The following MLN variants were observed in gnomAD, a reference collection of about 807,000 sequenced individuals.
The protein encoded by MLN is motilin.
In MLN, 14 loss-of-function variants were observed where a neutral mutation model predicts 13.3. That is an observed-to-expected ratio of 1.05 (90% confidence interval 0.69 to 1.64). The LOEUF is 1.64. MLN is among the 40% of genes most tolerant of loss of function. The probability of loss-of-function intolerance (pLI) is 0.00; values close to 1 mark genes in which losing one functional copy is unlikely to be tolerated. For synonymous variants in MLN, 59 were observed against 54.7 expected (o/e 1.08, Z -0.34); for missense variants, 122 against 142.9 (o/e 0.85, Z 0.75).
chr6:33,798,265 A>G (rs1767968399), intron 3 of MLN, among the ~76,000 whole-genome samples: 1 of 152,022 alleles, frequency 6.6e-6, no homozygotes, highest in Middle Eastern at 3.4e-3. Context: ...CTTCTTTCCT[A>G]TGGAGTGTGA....
intron 3 of MLN, among the ~76,000 whole-genome samples, chr6:33,796,612 C>T (rs1449844741): frequency 1.3e-5 from 2 of 152,218 alleles, no homozygotes; most frequent in African/African-American, 4.8e-5. Context: ...TCCCACCGGG[C>T]TCCCTGGGTT....
chr6:33,796,631 G>A (rs916828661), intron 3 of MLN, among the ~76,000 whole-genome samples: 1 of 152,210 alleles, frequency 6.6e-6, no homozygotes, highest in Non-Finnish European at 1.5e-5. Context: ...TTCCAGGAAT[G>A]GGCCTCCTAG....
Position 33,803,465 on chromosome 6 carries a change from G to C in MLN, c.-8+488C>G, listed in dbSNP as rs190982146. Among the ~76,000 whole-genome samples, 1 of 151,964 alleles carries C rather than the reference G, an allele frequency of 6.6e-6. No individual in the cohort carries two copies. Among genetic ancestry groups the C allele is most frequent in the East Asian group, 1.9e-4 (1 of 5,172 alleles). ...TGGGACTACAGGCATGTGCCACCTCGCATGGCTAATTTTTGTATTTTTAGT... is the reference window on the plus strand; with the variant it reads ...TGGGACTACAGGCATGTGCCACCTCCCATGGCTAATTTTTGTATTTTTAGT... On this transcript the variant is annotated intron_variant, in intron 1 of 4. Coordinates refer to ENST00000430124, the MANE Select transcript of MLN (RefSeq NM_002418.3). This position sits in a 1 kb window ranked among gnomAD's most constrained non-coding sequence, Gnocchi z 4.5.
intron 3 of MLN, among the ~76,000 whole-genome samples, chr6:33,795,994 C>G (rs1767910014): frequency 7.3e-6 from 1 of 137,732 alleles, no homozygotes; most frequent in Non-Finnish European, 1.5e-5. Context: ...GAGTCTTGCT[C>G]TGTCGCCCAG....
Position 33,799,331 on chromosome 6 carries a change from G to C in MLN, c.118-110C>G, listed in dbSNP as rs751629048. 2 of 675,558 alleles carry C rather than the reference G, an allele frequency of 3.0e-6. No homozygotes were observed. Among genetic ancestry groups the C allele is most frequent in the Non-Finnish European group, 5.1e-6 (2 of 390,726 alleles). The allele number at this position is 675,558 out of a possible 1,614,324, so 41.8% of individuals were successfully genotyped here. A position where few individuals can be genotyped will look rare whatever the true frequency, so the allele number is the denominator to read the frequency against. ...TGCTGTCTGCCCTGAGCTCCCTACA[G>C]ACTGAAAGAACCCTTTCCTCCAGGA... On this transcript the variant is annotated intron_variant, in intron 2 of 4. Coordinates refer to ENST00000430124, the MANE Select transcript of MLN (RefSeq NM_002418.3). The surrounding 1 kb of genome is among the most constrained non-coding windows in gnomAD (Gnocchi z 4.6).
chr6:33,794,983 G>T, intron 4 of MLN, 148 bp from the exon 5 acceptor site: 1 of 900,348 alleles, frequency 1.1e-6, no homozygotes, highest in Non-Finnish European at 1.7e-6. Context: ...GAGCCTGCAA[G>T]CTGTCTGTAG....
intron 3 of MLN, among the ~76,000 whole-genome samples, chr6:33,798,591 C>T (rs1044092586): frequency 6.6e-6 from 1 of 152,234 alleles, no homozygotes; most frequent in African/African-American, 2.4e-5. Flanking sequence ...AAGAGGGCTC[C>T]GGTGGCTTCC....
intron 2 of MLN, 40 bp downstream of exon 2, chr6:33,801,007 C>A: frequency 6.7e-7 from 1 of 1,484,160 alleles, no homozygotes; most frequent in African/African-American, 1.4e-5. Context: ...TCATAGTGAC[C>A]TCAGCCTTGC....
At chr6:33,798,680 C>G (rs1375440980) in intron 3 of MLN, among the ~76,000 whole-genome samples, 1 of 152,254 alleles carries the variant, frequency 6.6e-6, no homozygotes, top group Admixed American at 6.5e-5. Context: ...CTCGACTAAC[C>G]CCTGCCACAA....
chr6:33,794,933 A>C, intron 4 of MLN, 98 bp from the exon 5 acceptor site: 2 of 1,485,812 alleles, frequency 1.3e-6, no homozygotes, highest in Non-Finnish European at 9.3e-7. Context: ...AGGAGGGGGC[A>C]CAAGGGCAGG....
rs1162340893 is a variant in MLN, at chr6:33,795,596, G to C, written c.244C>G (p.Pro82Ala). 1.3e-6 allele frequency: 2 copies of C among 1,556,726 alleles called. No individual in the cohort carries two copies. Among genetic ancestry groups the C allele is most frequent in the Non-Finnish European group, 1.7e-6 (2 of 1,149,126 alleles). ...TTCATCCTCATTCCAATTTCCAGAG[G>C]AGCAGTCAGCTGTGAAATAAGGCAG... ...EENEMIKLTAPLEIGMRMNSR... is the reference protein window; with the variant it reads ...EENEMIKLTAALEIGMRMNSR... Residue 82 changes from proline (P) to alanine (A), a missense_variant, in exon 4 of 5, where the codon CCT becomes GCT. By Grantham distance (27) the Pro-to-Ala change is conservative (BLOSUM62 -1). Coordinates refer to ENST00000430124, the MANE Select transcript of MLN (RefSeq NM_002418.3).
rs776485631 is a variant in MLN, at chr6:33,801,153, C to T, written c.11G>A (p.Arg4His). 2.2e-5 allele frequency: 36 copies of T among 1,613,484 alleles called. No individual in the cohort carries two copies. Among genetic ancestry groups the T allele is most frequent in the Admixed American group, 1.0e-4 (6 of 60,028 alleles). The change falls in exon 2 of 5, where the codon CGT becomes CAT. Residue 4 changes from arginine (R) to histidine (H), a missense_variant. Transcript: ENST00000430124. MVS[R>H]KAVAALLVVH... ...CACCAGCAGAGCAGCCACAGCCTTA[C>T]GGGATACCATCTTGGAGCTGGACAA...
Position 33,794,698 on chromosome 6 carries a change from G to T in MLN, c.*127C>A. ...TGTATATTTCATGCTTTATTTGCTGGAGGGGAATTTGCTTTGGAAAGGGTG... is the reference window on the plus strand; with the variant it reads ...TGTATATTTCATGCTTTATTTGCTGTAGGGGAATTTGCTTTGGAAAGGGTG... On this transcript the variant is annotated 3_prime_UTR_variant, in exon 5 of 5. Transcript: ENST00000430124. The T allele has an allele frequency of 1.0e-6, 1 of 997,504 alleles. No homozygotes were observed. The allele number at this position is 997,504 out of a possible 1,614,324, so 61.8% of individuals were successfully genotyped here. A position where few individuals can be genotyped will look rare whatever the true frequency, so the allele number is the denominator to read the frequency against.
intron 1 of MLN, among the ~76,000 whole-genome samples, 172 bp from the exon 2 acceptor site, chr6:33,801,342 G>A (rs1299186333): frequency 1.3e-5 from 2 of 152,220 alleles, no homozygotes; most frequent in African/African-American, 4.8e-5. Flanking sequence ...GAGCAGATGA[G>A]CTCTGAGCAC....
intron 3 of MLN, among the ~76,000 whole-genome samples, chr6:33,797,083 C>A (rs1767943369): frequency 6.6e-6 from 1 of 152,206 alleles, no homozygotes; most frequent in Admixed American, 6.5e-5. Flanking sequence ...GGCAACAGCA[C>A]CCAGGTTGTT....
chr6:33,797,399 T>C (rs1171125582), intron 3 of MLN, among the ~76,000 whole-genome samples: 1 of 152,188 alleles, frequency 6.6e-6, no homozygotes, highest in Non-Finnish European at 1.5e-5. Flanking sequence ...AACTCCAAAC[T>C]TGTGTGTCCA....
At chr6:33,796,485 G>C (rs1031317646) in intron 3 of MLN, among the ~76,000 whole-genome samples, 1 of 151,250 alleles carries the variant, frequency 6.6e-6, no homozygotes, top group African/African-American at 2.5e-5. Flanking sequence ...CCCCGTCCCC[G>C]CTCCGCAGAG....
chr6:33,796,384 C>T (rs1166425803), intron 3 of MLN, among the ~76,000 whole-genome samples: 1 of 151,224 alleles, frequency 6.6e-6, no homozygotes, highest in Non-Finnish European at 1.5e-5. Context: ...TGCCCACAAC[C>T]ACCAGGCTAC....
intron 2 of MLN, 26 bp downstream of exon 2, chr6:33,801,021 C>T: frequency 2.6e-6 from 4 of 1,553,782 alleles, no homozygotes; most frequent in Non-Finnish European, 3.6e-6. Flanking sequence ...GCCTTGCTAG[C>T]AGGGCAGGCA....
Sources: allele counts gnomAD v4.1 joint callset (sites outside exome capture counted in the v4.1 genomes callset), GRCh38; gene constraint gnomAD v4.1.1; non-coding constraint Gnocchi (gnomAD v3.1); transcripts MANE v1.5; gene names NCBI Gene and HGNC (gene_info 2026-07-23, HGNC 2026-07-21).